The following IQCK variants were observed in gnomAD, a reference collection of about 807,000 sequenced individuals.
IQCK encodes the protein IQ domain-containing protein K.
Under a neutral mutation model 28.1 loss-of-function variants are expected in IQCK, and 29 were observed. That is an observed-to-expected ratio of 1.03 (90% CI 0.77 to 1.41). The LOEUF (loss-of-function observed/expected upper bound fraction) is 1.41. Among genes scored for constraint, IQCK ranks in the 40% most tolerant of loss-of-function variants. The pLI, the probability that IQCK is intolerant of heterozygous loss-of-function variation, is 0.00. For synonymous variants in IQCK, 113 were observed against 115.1 expected (o/e 0.98, Z 0.12); for missense variants, 359 against 314.7 (o/e 1.14, Z -1.07).
chr16:19,810,104 A>G (rs1013627389), intron 7 of IQCK, among the ~76,000 whole-genome samples: 4 of 152,034 alleles, frequency 2.6e-5, no homozygotes, highest in Admixed American at 6.5e-5. Flanking sequence ...AAGAACTGCT[A>G]CTTTAGAGTT....
intron 9 of IQCK, among the ~76,000 whole-genome samples, chr16:19,850,563 C>T (rs1036113331): frequency 7.2e-5 from 11 of 152,112 alleles, no homozygotes; most frequent in East Asian, 3.9e-4. Flanking sequence ...GGCCCCAGCA[C>T]GGTTGTGGTC....
chr16:19,718,586 G>A, intron 1 of IQCK, 99 bp downstream of exon 1: 2 of 1,124,056 alleles, frequency 1.8e-6, no homozygotes, highest in East Asian at 3.2e-5. Flanking sequence ...CTGACGGGCG[G>A]GGCCGCCGGG....
intron 9 of IQCK, among the ~76,000 whole-genome samples, chr16:19,848,423 G>C (rs944593803): frequency 3.3e-5 from 5 of 152,148 alleles, no homozygotes; most frequent in African/African-American, 1.2e-4. Context: ...GGCTTCTTCT[G>C]TTTACTTTCA....
At chr16:19,857,710 C>T (rs2056579120) in exon 10 of IQCK, 2 of 180,058 alleles carry the variant, frequency 1.1e-5, no homozygotes, top group Admixed American at 1.3e-4. Flanking sequence ...CACCCGAGTT[C>T]ACCCTTGTTC....
At chr16:19,748,841 T>C (rs2054947967) in intron 4 of IQCK, among the ~76,000 whole-genome samples, 1 of 152,068 alleles carries the variant, frequency 6.6e-6, no homozygotes. Flanking sequence ...GAATGTAATA[T>C]AAAGACACCT....
chr16:19,801,284 TTCTCTCTC>T (rs200001766), intron 7 of IQCK, among the ~76,000 whole-genome samples: 2 of 109,292 alleles, frequency 1.8e-5, no homozygotes, highest in African/African-American at 1.5e-4. Flanking sequence ...TTCACAGTCT[TTCTCTCTC>T]TCTCTCTCTC....
At chr16:19,821,374 C>T (rs1189069276) in intron 7 of IQCK, among the ~76,000 whole-genome samples, 1 of 152,142 alleles carries the variant, frequency 6.6e-6, no homozygotes, top group Non-Finnish European at 1.5e-5. Context: ...TGTCACCCAG[C>T]AATTCGACTT....
At chr16:19,833,468 C>G (rs1542919) in intron 9 of IQCK, among the ~76,000 whole-genome samples, 58,823 of 152,032 alleles carry the variant, frequency 0.39, 16,574 homozygotes, top group African/African-American at 0.8. Context: ...AAAGGAAATA[C>G]GATTATTAAT....
intron 6 of IQCK, among the ~76,000 whole-genome samples, chr16:19,783,027 C>A (rs2055511551): frequency 6.8e-6 from 1 of 146,938 alleles, no homozygotes; most frequent in African/African-American, 2.6e-5. Context: ...GAGACGGAGT[C>A]TTGTTGTGTT....
At chr16:19,828,882 AT>A (rs1386365489), downstream of IQCK, among the ~76,000 whole-genome samples, 14 of 139,414 alleles carry the variant, frequency 1.0e-4, no homozygotes, top group African/African-American at 3.9e-4. Flanking sequence ...AAATATATAT[AT>A]AAAATATATA....
chr16:19,857,936 A>T (rs1170650601), exon 10 of IQCK: 1 of 152,808 alleles, frequency 6.5e-6, no homozygotes. Context: ...AAAAGGGGGG[A>T]CAAGAGTGGC....
chr16:19,721,006 C>T (rs115375454), intron 1 of IQCK, among the ~76,000 whole-genome samples: 2,213 of 148,392 alleles, frequency 0.015, 48 homozygotes, highest in African/African-American at 0.051. Flanking sequence ...AGTAAGAATC[C>T]GTCTAGAAAA....
chr16:19,780,873 C>T (rs890216057), intron 6 of IQCK, among the ~76,000 whole-genome samples: 1 of 152,160 alleles, frequency 6.6e-6, no homozygotes, highest in Admixed American at 6.5e-5. Flanking sequence ...ATCAGCAGCT[C>T]TTGTTTTAAT....
At chr16:19,775,276 C>T (rs141937994) in intron 6 of IQCK, among the ~76,000 whole-genome samples, 8 of 151,536 alleles carry the variant, frequency 5.3e-5, no homozygotes, top group Admixed American at 1.3e-4. Context: ...GCAATTCTTG[C>T]CACTTTACTC....
At chr16:19,725,920 C>T (rs192730084) in intron 1 of IQCK, among the ~76,000 whole-genome samples, 24 of 139,912 alleles carry the variant, frequency 1.7e-4, no homozygotes, top group African/African-American at 5.6e-4. Context: ...TCTTTTTTTT[C>T]TTTTTTTTTT....
chr16:19,724,749 G>C (rs1466075646), intron 1 of IQCK, among the ~76,000 whole-genome samples: 1 of 152,076 alleles, frequency 6.6e-6, no homozygotes, highest in African/African-American at 2.4e-5. Context: ...AGCCAGGATG[G>C]TCTCAATCTC....
At chr16:19,766,795 T>C (rs1017332598) in intron 6 of IQCK, among the ~76,000 whole-genome samples, 4 of 152,120 alleles carry the variant, frequency 2.6e-5, no homozygotes, top group Non-Finnish European at 4.4e-5. Flanking sequence ...TCTGATTTAG[T>C]CCAGTAGTTT....
chr16:19,829,289 T>G (rs908828057), downstream of IQCK, among the ~76,000 whole-genome samples: 2 of 151,326 alleles, frequency 1.3e-5, no homozygotes, highest in Admixed American at 6.6e-5. Flanking sequence ...TTTCTGCTCT[T>G]ACAATGTGCC....
At chr16:19,722,073 A>G (rs1977512726) in intron 1 of IQCK, among the ~76,000 whole-genome samples, 2 of 152,060 alleles carry the variant, frequency 1.3e-5, no homozygotes, top group East Asian at 3.8e-4. Context: ...ACAGCCACTG[A>G]GCCAGCTGAA....
Sources: allele counts gnomAD v4.1 joint callset (sites outside exome capture counted in the v4.1 genomes callset), GRCh38; gene constraint gnomAD v4.1.1; transcripts MANE v1.5; gene names NCBI Gene and HGNC (gene_info 2026-07-23, HGNC 2026-07-21).